Variants in EGLN3 observed in about 807,000 individuals in gnomAD.
EGLN3 encodes the protein egl-9 family hypoxia inducible factor 3.
Under a neutral mutation model 26.0 loss-of-function variants are expected in EGLN3, and 15 were observed. The ratio of observed to expected loss-of-function variants is 0.58; its 90% CI spans 0.39 to 0.89. The LOEUF (loss-of-function observed/expected upper bound fraction) is 0.89. Ranked by LOEUF, EGLN3 falls within the 40% of genes least tolerant of loss-of-function variation. The pLI is 0.00. For synonymous variants in EGLN3, 147 were observed against 127.2 expected, an observed-to-expected ratio of 1.16 and a Z score of -1.05; for missense variants, 238 against 311.6, an observed-to-expected ratio of 0.76 and a Z score of 1.78.
chr14:33,928,299 G>A (rs1157526298), intron 3 of EGLN3, among the ~76,000 whole-genome samples: 1 of 152,148 alleles, frequency 6.6e-6, no homozygotes, highest in African/African-American at 2.4e-5. Flanking sequence ...AGGCTTGTTA[G>A]GGTTTAATCA....
At chr14:33,932,496 G>A (rs1179226021) in intron 1 of EGLN3, among the ~76,000 whole-genome samples, 6 of 152,046 alleles carry the variant, frequency 3.9e-5, no homozygotes, top group African/African-American at 4.8e-5. Flanking sequence ...CGTGGCTGCC[G>A]AGTCACTCTC....
Position 33,950,897 on chromosome 14 carries a change from G to A in EGLN3, c.-145C>T. The A allele has an allele frequency of 1.4e-6, 1 of 719,076 alleles. No homozygotes were observed. The highest frequency in any genetic ancestry group is 2.4e-6 in the Non-Finnish European group (1 of 418,862). 44.5% of individuals were successfully genotyped at this position (719,076 alleles called of 1,614,324 possible). A position where few individuals can be genotyped will look rare whatever the true frequency, so the allele number is the denominator to read the frequency against. ...ACGGTACCCGAGCCGCTGCAGCGTC[G>A]GGGACAAGGGAAAGTTTCTCGCAAC... is the stretch of plus-strand genomic sequence containing the variant. On this transcript the variant is annotated 5_prime_UTR_variant, in exon 1 of 5. Coordinates refer to ENST00000250457, the MANE Select transcript of EGLN3 (RefSeq NM_022073.4).
At position 33,950,744 on chromosome 14, in the gene EGLN3, C is replaced by T. The variant is rs2138832623; in HGVS notation, c.9G>A (p.Leu3=). The T allele has an allele frequency of 6.2e-7, 1 of 1,603,390 alleles. No individual in the cohort carries two copies. ...CCAGGTCCAGCCTCATGATGTGTCCCAGGGGCATCTCGCCCGCAGAATCGA... is the reference window on the plus strand; with the variant it reads ...CCAGGTCCAGCCTCATGATGTGTCCTAGGGGCATCTCGCCCGCAGAATCGA... MP[L]GHIMRLDLEK... The change falls in exon 1 of 5, where the codon CTG becomes CTA. Residue 3 remains leucine (L), a synonymous_variant. Coordinates refer to ENST00000250457, the MANE Select transcript of EGLN3 (RefSeq NM_022073.4).
In EGLN3 at chr14:33,925,886, C is replaced by G; in HGVS notation, c.*5G>C. 6.2e-7 allele frequency: 1 copy of G among 1,613,986 alleles called. No individual in the cohort carries two copies. Among genetic ancestry groups the G allele is most frequent in the Non-Finnish European group, 8.5e-7 (1 of 1,179,922 alleles). On this transcript the variant is annotated 3_prime_UTR_variant, in exon 5 of 5. Coordinates refer to ENST00000250457, the MANE Select transcript of EGLN3 (RefSeq NM_022073.4). ...TGAACAAGGCCAGCAGATTTCAGAG[C>G]ACGGTCAGTCTTCAGTGAGGGCAGA...
At chr14:33,927,796 T>G (rs1006406415) in intron 3 of EGLN3, among the ~76,000 whole-genome samples, 19 of 152,208 alleles carry the variant, frequency 1.2e-4, no homozygotes, top group Non-Finnish European at 2.4e-4. Context: ...AATCACAGTA[T>G]GTTTAAAACT....
chr14:33,941,085 G>A (rs761265183), intron 1 of EGLN3, among the ~76,000 whole-genome samples: 19 of 152,178 alleles, frequency 1.2e-4, no homozygotes, highest in Non-Finnish European at 2.1e-4. Flanking sequence ...TTGTGCCTAT[G>A]TTATAGATGA....
chr14:33,930,867 G>A (rs1438704859), intron 2 of EGLN3, among the ~76,000 whole-genome samples: 1 of 152,126 alleles, frequency 6.6e-6, no homozygotes, highest in Non-Finnish European at 1.5e-5. Context: ...CCCAGAGGTA[G>A]GGTTAATAAT....
At chr14:33,935,104 C>T (rs142460528) in intron 1 of EGLN3, among the ~76,000 whole-genome samples, 7 of 152,288 alleles carry the variant, frequency 4.6e-5, no homozygotes, top group African/African-American at 1.2e-4. Flanking sequence ...AACCTAAGTA[C>T]GGGATAATCT....
At chr14:33,934,358 A>G (rs993625042) in intron 1 of EGLN3, among the ~76,000 whole-genome samples, 2 of 152,048 alleles carry the variant, frequency 1.3e-5, no homozygotes, top group East Asian at 3.9e-4. Flanking sequence ...ATACACAGAT[A>G]TATAGAACCG....
chr14:33,924,557 A>G lies in EGLN3; in HGVS notation c.*1334T>C, dbSNP rs1960109765. The G allele has an allele frequency of 1.3e-5, 2 of 151,814 alleles. No individual in the cohort carries two copies. The highest frequency in any genetic ancestry group is 1.3e-4 in the Admixed American group (2 of 15,196). The allele number at this position is 151,814 out of a possible 1,614,324, so 9.4% of individuals were successfully genotyped here. On this transcript the variant is annotated 3_prime_UTR_variant, in exon 5 of 5. Coordinates refer to ENST00000250457, the MANE Select transcript of EGLN3 (RefSeq NM_022073.4). ...GAAGACTATATATATATATATCCGT[A>G]CATAACAAAGGAAAATATTTCTGGC...
rs1348216909 is a variant in EGLN3 at position 33,950,789 on chromosome 14, G to A, written c.-37C>T. 1 of 1,556,612 alleles carries A rather than the reference G, an allele frequency of 6.4e-7. No individual in the cohort carries two copies. The highest frequency in any genetic ancestry group is 8.8e-7 in the Non-Finnish European group (1 of 1,140,510). On this transcript the variant is annotated 5_prime_UTR_variant, in exon 1 of 5. Transcript: ENST00000250457. ...AATCGAGGTCCGGGATCCCCAGCGT[G>A]CAACCAGAGAGGGAACGATCTACAC...
intron 1 of EGLN3, among the ~76,000 whole-genome samples, chr14:33,938,368 G>C (rs1380351351): frequency 2.0e-5 from 3 of 152,228 alleles, no homozygotes; most frequent in South Asian, 2.1e-4. Context: ...CATGCAATTA[G>C]GCACAGTAAA....
intron 3 of EGLN3, among the ~76,000 whole-genome samples, chr14:33,928,083 C>T (rs2064374917): frequency 6.6e-6 from 1 of 152,070 alleles, no homozygotes; most frequent in African/African-American, 2.4e-5. Context: ...GGCCAGTCAT[C>T]ATGAGATTGG....
Position 33,925,790 on chromosome 14 carries a change from G to A in EGLN3, c.*101C>T, listed in dbSNP as rs926072839. ...TGAAGGATGCAAGAAGTAGCAGGGA[G>A]ATTGTTGTCACTGAAGAGGCCATCT... On this transcript the variant is annotated 3_prime_UTR_variant, in exon 5 of 5. Coordinates refer to ENST00000250457, the MANE Select transcript of EGLN3 (RefSeq NM_022073.4). 2.2e-6 allele frequency: 3 copies of A among 1,347,816 alleles called. No homozygotes were observed. The highest frequency in any genetic ancestry group is 2.1e-6 in the Non-Finnish European group (2 of 942,834). The allele number at this position is 1,347,816 out of a possible 1,614,324, so 83.5% of individuals were successfully genotyped here. A position where few individuals can be genotyped will look rare whatever the true frequency, so the allele number is the denominator to read the frequency against.
intron 2 of EGLN3, among the ~76,000 whole-genome samples, chr14:33,929,611 T>A (rs2064387573): frequency 6.6e-6 from 1 of 152,182 alleles, no homozygotes; most frequent in Non-Finnish European, 1.5e-5. Context: ...TAGGGCCTCC[T>A]GAAGTGCTGG....
At chr14:33,931,785 C>T (rs1200206660) in intron 1 of EGLN3, among the ~76,000 whole-genome samples, 1 of 152,204 alleles carries the variant, frequency 6.6e-6, no homozygotes, top group African/African-American at 2.4e-5. Context: ...AAGCCGCACC[C>T]TAACTTGTTA....
At position 33,925,776 on chromosome 14, in the gene EGLN3, A is replaced by G; in HGVS notation, c.*115T>C. On this transcript the variant is annotated 3_prime_UTR_variant, in exon 5 of 5. Coordinates refer to ENST00000250457, the MANE Select transcript of EGLN3 (RefSeq NM_022073.4). ...ACAAGACAGGGATGTGAAGGATGCA[A>G]GAAGTAGCAGGGAGATTGTTGTCAC... 8.3e-7 allele frequency: 1 copy of G among 1,210,292 alleles called. No homozygotes were observed. The highest frequency in any genetic ancestry group is 1.2e-6 in the Non-Finnish European group (1 of 824,484). The allele number at this position is 1,210,292 out of a possible 1,614,324, so 75.0% of individuals were successfully genotyped here.
chr14:33,950,053 A>G (rs1359484449), intron 1 of EGLN3: 1 of 571,498 alleles, frequency 1.7e-6, no homozygotes, highest in East Asian at 2.8e-5. Flanking sequence ...CAGATGATAC[A>G]CAGTGTTTCC....
At chr14:33,940,648 T>C (rs1396603296) in intron 1 of EGLN3, among the ~76,000 whole-genome samples, 1 of 152,110 alleles carries the variant, frequency 6.6e-6, no homozygotes, top group Non-Finnish European at 1.5e-5. Flanking sequence ...ATGCCTCTTA[T>C]CCAGGGACCA....
Sources: gnomAD v4.1 joint callset for allele counts (sites outside exome capture counted in the v4.1 genomes callset) on GRCh38, gnomAD v4.1.1 for gene constraint, MANE v1.5 for transcripts, NCBI Gene and HGNC (gene_info 2026-07-23, HGNC 2026-07-21) for gene names.